Variants in MTBP observed in about 807,000 individuals in gnomAD.
MTBP encodes the protein MDM2 binding protein.
In MTBP, 101 loss-of-function variants were observed where a neutral mutation model predicts 117.0. The observed-to-expected ratio is 0.86, with a 90% CI of 0.73 to 1.02. MTBP has a LOEUF of 1.02. MTBP is among the 50% of genes least tolerant of loss of function. MTBP has a pLI of 0.00. For missense variants in MTBP, 970 were observed against 1,030.9 expected (o/e 0.94, Z 0.81); for synonymous variants, 350 against 351.5 (o/e 1.00, Z 0.05).
intron 20 of MTBP, among the ~76,000 whole-genome samples, chr8:120,521,417 C>A (rs529474069): frequency 6.5e-4 from 99 of 152,210 alleles, no homozygotes; most frequent in Admixed American, 9.8e-4. Flanking sequence ...TGTGGTACAA[C>A]TGTTCTTCAA....
chr8:120,471,622 G>C (rs1813818760), intron 11 of MTBP: 1 of 152,106 alleles, frequency 6.6e-6, no homozygotes, highest in African/African-American at 2.4e-5. Flanking sequence ...TTATTTAACA[G>C]TTTAACTGTA....
intron 13 of MTBP, among the ~76,000 whole-genome samples, 196 bp from the exon 14 acceptor site, chr8:120,497,197 A>G (rs543118510): frequency 6.6e-6 from 1 of 152,226 alleles, no homozygotes; most frequent in Admixed American, 6.5e-5. Flanking sequence ...ACTTCTGTTT[A>G]TCTCACATAA....
chr8:120,486,124 A>G (rs6415474), intron 11 of MTBP, among the ~76,000 whole-genome samples: 128,073 of 152,098 alleles, frequency 0.84, 54,465 homozygotes, highest in Non-Finnish European at 0.91. Flanking sequence ...CCAAGATGAC[A>G]CTTCTTAGCT....
At chr8:120,470,979 G>C in intron 11 of MTBP, 42 bp downstream of exon 11, 1 of 1,256,734 alleles carries the variant, frequency 8.0e-7, no homozygotes, top group East Asian at 2.3e-5. Flanking sequence ...ATGCAGCATA[G>C]TTAATGTATG....
At chr8:120,474,462 T>C (rs1813890457) in intron 11 of MTBP, among the ~76,000 whole-genome samples, 1 of 151,928 alleles carries the variant, frequency 6.6e-6, no homozygotes, top group African/African-American at 2.4e-5. Flanking sequence ...TATCCCTTCC[T>C]AGCATCACTA....
intron 11 of MTBP, among the ~76,000 whole-genome samples, chr8:120,482,320 A>G (rs1211633194): frequency 1.3e-5 from 2 of 152,202 alleles, no homozygotes; most frequent in Admixed American, 6.5e-5. Flanking sequence ...AAATGAGAGT[A>G]CTACTACTTC....
Position 120,518,682 on chromosome 8 carries a change from CAT to C in MTBP, c.2497-19_2497-18del, listed in dbSNP as rs762877328. 4.0e-6 allele frequency: 6 copies of C among 1,481,594 alleles called. No individual in the cohort carries two copies. Among genetic ancestry groups the C allele is most frequent in the Non-Finnish European group, 3.7e-6 (4 of 1,078,194 alleles). 91.8% of individuals were successfully genotyped at this position (1,481,594 alleles called of 1,614,324 possible). ...TGTGCCTTTTCCAAGAAATATTCGTCATATGTTATGTTCTGTTCAAGATACTG... is the reference window on the plus strand; with the variant it reads ...TGTGCCTTTTCCAAGAAATATTCGTCATGTTATGTTCTGTTCAAGATACTG... On this transcript the variant is annotated intron_variant, in intron 19 of 21. Transcript: ENST00000305949.
Position 120,451,055 on chromosome 8 carries a change from G to A in MTBP, c.252G>A (p.Gln84=), listed in dbSNP as rs1282342289. The A allele has an allele frequency of 4.3e-6, 7 of 1,612,124 alleles. No homozygotes were observed. The highest frequency in any genetic ancestry group is 5.9e-6 in the Non-Finnish European group (7 of 1,179,000). ...PGSKKWFFAV[Q]AIYGFYQFCS... is the part of the protein sequence containing the mutation. The stretch of plus-strand genomic sequence containing the variant: ...CCAAGAAGTGGTTCTTTGCAGTGCA[G>A]GCAATATATGGATTTTATCAGGTAA... Residue 84 remains glutamine (Q), a synonymous_variant, in exon 3 of 22, where the codon CAG becomes CAA. Transcript: ENST00000305949.
chr8:120,469,799 A>G (rs534939282), intron 10 of MTBP, among the ~76,000 whole-genome samples: 2 of 152,358 alleles, frequency 1.3e-5, no homozygotes, highest in Admixed American at 6.5e-5. Flanking sequence ...ACATATTCCA[A>G]TATCAAACGG....
rs1187950521 is a variant in MTBP, at chr8:120,502,557, A to G, written c.1675A>G (p.Arg559Gly). 6.2e-7 allele frequency: 1 copy of G among 1,604,828 alleles called. No homozygotes were observed. Among genetic ancestry groups the G allele is most frequent in the Non-Finnish European group, 8.5e-7 (1 of 1,176,278 alleles). The change falls in exon 15 of 22, where the codon AGG (arginine) becomes GGG (glycine). Residue 559 changes from arginine (R) to glycine (G), a missense_variant. Physicochemically the swap from Arg to Gly is moderately radical, Grantham distance 125. Coordinates refer to ENST00000305949, the MANE Select transcript of MTBP (RefSeq NM_022045.5). Reference sequence around the variant, plus strand: ...AACCAATCCTCTGGAATGGCCAGAAAGGCATGTTCTTCAAAATTTGGAAAC... The same window carrying G: ...AACCAATCCTCTGGAATGGCCAGAAGGGCATGTTCTTCAAAATTTGGAAAC... ...METNPLEWPE[R>G]HVLQNLETFE... is the part of the protein sequence containing the mutation.
At chr8:120,448,487 G>T (rs996961164) in intron 2 of MTBP, among the ~76,000 whole-genome samples, 5 of 151,974 alleles carry the variant, frequency 3.3e-5, no homozygotes, top group African/African-American at 1.2e-4. Flanking sequence ...TATCACATGG[G>T]TTTACACTGG....
At chr8:120,466,312 A>G (rs1813692733) in intron 10 of MTBP, among the ~76,000 whole-genome samples, 1 of 150,532 alleles carries the variant, frequency 6.6e-6, no homozygotes, top group South Asian at 2.1e-4. Context: ...CCCGGGTTCA[A>G]GCAATTCTCC....
Position 120,447,512 on chromosome 8 carries a change from T to C in MTBP, c.199+999T>C, listed in dbSNP as rs1032343621. On this transcript the variant is annotated intron_variant, in intron 2 of 21. Coordinates refer to ENST00000305949, the MANE Select transcript of MTBP (RefSeq NM_022045.5). ...AGGGGTTCTCATGATAAATTTTACT[T>C]CCCCCTTGCGTGTTTAGGGTTTCTT... 6.6e-5 allele frequency among the ~76,000 whole-genome samples: 10 copies of C among 152,144 alleles called. 1 individual carries two copies. The highest frequency in any genetic ancestry group is 2.4e-4 in the African/African-American group (10 of 41,424).
At chr8:120,481,727 C>G (rs1814088663) in intron 11 of MTBP, among the ~76,000 whole-genome samples, 1 of 152,088 alleles carries the variant, frequency 6.6e-6, no homozygotes, top group Non-Finnish European at 1.5e-5. Context: ...GTTTACATTT[C>G]CCAAAATTTG....
intron 11 of MTBP, among the ~76,000 whole-genome samples, chr8:120,483,182 A>G (rs530044207): frequency 4.7e-4 from 71 of 152,156 alleles, no homozygotes; most frequent in African/African-American, 1.6e-3. Flanking sequence ...ATGAATATAA[A>G]GTAATTAGAT....
chr8:120,478,066 C>T lies in MTBP; in HGVS notation c.1165+7129C>T, dbSNP rs566487602. ...GGCACATATACACCATGGAATACTA[C>T]GCAGCCATAAAAAAGAATGAGTTCA... On this transcript the variant is annotated intron_variant, in intron 11 of 21. Transcript: ENST00000305949. Among the ~76,000 whole-genome samples, 102 of 152,180 alleles carry T rather than the reference C, an allele frequency of 6.7e-4. 1 individual carries two copies. Among genetic ancestry groups the T allele is most frequent in the African/African-American group, 2.3e-3 (95 of 41,530 alleles).
At position 120,488,202 on chromosome 8, in the gene MTBP, C is replaced by G. The variant is rs758292458; in HGVS notation, c.1209C>G (p.Leu403=). Reference sequence around the variant, plus strand: ...AAGGAGAGTGTTCTAGCTATTATCTCTTGTTACAAGGTAATGGCAATAGAA... The same window carrying G: ...AAGGAGAGTGTTCTAGCTATTATCTGTTGTTACAAGGTAATGGCAATAGAA... ...EVKGECSSYY[L]LLQGNGNRRC... is the part of the protein sequence containing the mutation. The change falls in exon 12 of 22, where the codon CTC becomes CTG. Residue 403 remains leucine, a synonymous_variant. Transcript: ENST00000305949. 1 of 1,592,820 alleles carries G rather than the reference C, an allele frequency of 6.3e-7. No homozygotes were observed. Among genetic ancestry groups the G allele is most frequent in the South Asian group, 1.2e-5 (1 of 86,080 alleles).
chr8:120,472,666 A>C (rs1339988175), intron 11 of MTBP: 1 of 152,198 alleles, frequency 6.6e-6, no homozygotes, highest in Non-Finnish European at 1.5e-5. Context: ...GAATTTTTCC[A>C]TGGTGGCTCA....
intron 16 of MTBP, among the ~76,000 whole-genome samples, chr8:120,508,647 C>A (rs1033957822): frequency 1.3e-5 from 2 of 152,102 alleles, no homozygotes; most frequent in African/African-American, 4.8e-5. Context: ...GGACAGTTTT[C>A]ATTACCAATG....
Sources: allele counts gnomAD v4.1 joint callset (sites outside exome capture counted in the v4.1 genomes callset), GRCh38; gene constraint gnomAD v4.1.1; transcripts MANE v1.5; gene names NCBI Gene and HGNC (gene_info 2026-07-23, HGNC 2026-07-21).